Variants in COPG2 observed in about 807,000 individuals in gnomAD.
COPG2 encodes coat protein complex I subunit gamma 2, also known as coatomer subunit gamma-2.
A neutral mutation model predicts 46.3 loss-of-function variants in COPG2; 37 were observed. The ratio of observed to expected loss-of-function variants is 0.80; its 90% confidence interval spans 0.61 to 1.05. The LOEUF (loss-of-function observed/expected upper bound fraction) is 1.05, where lower values mean the gene tolerates loss of function less well. COPG2 is among the 50% of genes least tolerant of loss of function. The pLI, the probability that COPG2 is intolerant of heterozygous loss-of-function variation, is 0.00. For synonymous variants in COPG2, 159 were observed against 129.7 expected (o/e 1.23, Z -1.53); for missense variants, 427 against 387.8 (o/e 1.10, Z -0.85).
At chr7:130,608,315 G>A in intron 9 of COPG2, 1 of 325,704 alleles carries the variant, frequency 3.1e-6, no homozygotes, top group South Asian at 2.7e-5. Flanking sequence ...ATAATTTGCT[G>A]CTGGTTTTAG....
intron 23 of COPG2, among the ~76,000 whole-genome samples, 164 bp downstream of exon 23, chr7:130,507,110 A>T (rs1404811220): frequency 6.6e-6 from 1 of 152,190 alleles, no homozygotes; most frequent in Non-Finnish European, 1.5e-5. Flanking sequence ...TTAAAAGAAT[A>T]ACCAAGAATA....
intron 20 of COPG2, among the ~76,000 whole-genome samples, chr7:130,538,494 C>G (rs1799906033): frequency 1.3e-5 from 2 of 152,150 alleles, no homozygotes; most frequent in South Asian, 2.1e-4. Context: ...TGCTTCTTAT[C>G]AAGGCCAACC....
chr7:130,556,170 AT>A (rs1327106167), intron 12 of COPG2, among the ~76,000 whole-genome samples: 2 of 152,198 alleles, frequency 1.3e-5, no homozygotes, highest in African/African-American at 4.8e-5. Flanking sequence ...GGGAGTAAGT[AT>A]GCCTGTCCTT....
rs563572976 is a variant in COPG2, at chr7:130,638,081, G to C, written c.323+14788C>G. Among the ~76,000 whole-genome samples, 76 of 152,292 alleles carry C rather than the reference G, an allele frequency of 5.0e-4. 1 individual carries two copies. The South Asian group carries it at 0.015, about 29-fold the overall frequency. On this transcript the variant is annotated intron_variant, in intron 5 of 23. Transcript: ENST00000425248. ...CGCAGAACAGCAAAGATTGCCGCCT[G>C]TTCCTTCCTCTGGAAGCTTTGTCCC... is the stretch of plus-strand genomic sequence containing the variant.
chr7:130,512,052 T>TAAAAAAA (rs1182017221), intron 20 of COPG2, among the ~76,000 whole-genome samples: 64 of 99,006 alleles, frequency 6.5e-4, no homozygotes, highest in African/African-American at 9.8e-4. Context: ...CTGTGTCTTC[T>TAAAAAAA]AAAAAAAAAA....
At position 130,557,838 on chromosome 7, in the gene COPG2, ATC is replaced by A. The variant is rs1793655562; in HGVS notation, c.1129-2708_1129-2707del. On this transcript the variant is annotated intron_variant, in intron 12 of 23. Transcript: ENST00000425248. ...ATCTCAAAAAAAAAAAAAAAAAAAA[ATC>A]ATGCAAGAATAGCCAGGAAAACAAT... Among the ~76,000 whole-genome samples the A allele has an allele frequency of 3.1e-3, 430 of 140,206 alleles. 54 individuals carry two copies. The highest frequency in any genetic ancestry group is 0.011 in the Middle Eastern group (3 of 272). The allele number at this position is 140,206 out of a possible 152,430, so 92.0% of individuals were successfully genotyped here.
At chr7:130,511,460 C>T (rs782295912) in intron 20 of COPG2, 1 of 519,678 alleles carries the variant, frequency 1.9e-6, no homozygotes, top group Non-Finnish European at 3.8e-6. Flanking sequence ...CCTGGAAAAT[C>T]GTGTTGAGTC....
intron 9 of COPG2, among the ~76,000 whole-genome samples, chr7:130,567,082 T>C (rs926612200): frequency 1.0e-3 from 159 of 152,330 alleles, no homozygotes; most frequent in African/African-American, 3.6e-3. Flanking sequence ...AATGAGATTA[T>C]GTCCATTGCA....
intron 5 of COPG2, among the ~76,000 whole-genome samples, chr7:130,637,487 C>T (rs782164975): frequency 3.3e-5 from 5 of 152,072 alleles, no homozygotes; most frequent in Non-Finnish European, 5.9e-5. Flanking sequence ...CTTCAATCTC[C>T]GATATCCTTT....
chr7:130,632,620 GTTTA>G (rs1795253154), intron 5 of COPG2, among the ~76,000 whole-genome samples: 1 of 151,988 alleles, frequency 6.6e-6, no homozygotes, highest in Admixed American at 6.5e-5. Context: ...CAGTGAGGCT[GTTTA>G]TTTTTGTTTT....
chr7:130,565,754 A>T (rs1793792812), intron 9 of COPG2, among the ~76,000 whole-genome samples: 1 of 151,716 alleles, frequency 6.6e-6, no homozygotes, highest in Non-Finnish European at 1.5e-5. Context: ...TTTTTTTTTT[A>T]AGAAACCAAA....
chr7:130,598,752 C>G (rs1584992300), intron 9 of COPG2, among the ~76,000 whole-genome samples: 1 of 152,158 alleles, frequency 6.6e-6, no homozygotes, highest in East Asian at 1.9e-4. Context: ...AGCTGAACTA[C>G]AAGTTCAAAA....
chr7:130,571,854 T>C (rs1201914595), intron 9 of COPG2, among the ~76,000 whole-genome samples: 1 of 151,858 alleles, frequency 6.6e-6, no homozygotes, highest in Admixed American at 6.6e-5. Flanking sequence ...TCTATATATA[T>C]ATATATACAC....
intron 9 of COPG2, among the ~76,000 whole-genome samples, chr7:130,584,565 G>C (rs1162990270): frequency 2.0e-5 from 3 of 151,920 alleles, no homozygotes; most frequent in African/African-American, 7.2e-5. Flanking sequence ...AAACCCTAAA[G>C]ACTCCTCCAG....
chr7:130,545,212 T>C (rs1793419696), intron 20 of COPG2, among the ~76,000 whole-genome samples: 1 of 151,696 alleles, frequency 6.6e-6, no homozygotes, highest in African/African-American at 2.4e-5. Flanking sequence ...TTTCATCCTA[T>C]AACAGTCCTA....
At chr7:130,596,208 TG>T (rs1794524367) in intron 9 of COPG2, among the ~76,000 whole-genome samples, 1 of 152,236 alleles carries the variant, frequency 6.6e-6, no homozygotes, top group Non-Finnish European at 1.5e-5. Context: ...AGGGACCAGC[TG>T]CGCTAAGACA....
At chr7:130,657,152 A>G (rs1320346336) in intron 4 of COPG2, among the ~76,000 whole-genome samples, 3 of 152,080 alleles carry the variant, frequency 2.0e-5, no homozygotes, top group Non-Finnish European at 4.4e-5. Context: ...AGCTAAAGTA[A>G]GAACAGACAT....
intron 18 of COPG2, 60 bp downstream of exon 18, chr7:130,549,254 T>C: frequency 2.5e-6 from 1 of 398,408 alleles, no homozygotes; most frequent in Non-Finnish European, 4.4e-6. Context: ...ACTGGTAGAC[T>C]TTTTATATTT....
At chr7:130,553,540 C>T (rs2116390527) in intron 14 of COPG2, among the ~76,000 whole-genome samples, 1 of 152,274 alleles carries the variant, frequency 6.6e-6, no homozygotes, top group African/African-American at 2.4e-5. Flanking sequence ...GAACAAGATT[C>T]TATCTTGATA....
Sources: gnomAD v4.1 joint callset for allele counts (sites outside exome capture counted in the v4.1 genomes callset) on GRCh38, gnomAD v4.1.1 for gene constraint, MANE v1.5 for transcripts, NCBI Gene and HGNC (gene_info 2026-07-23, HGNC 2026-07-21) for gene names.